CRISPLD2: variants seen among roughly 807,000 people sequenced by gnomAD.
The protein encoded by CRISPLD2 is cysteine rich secretory protein LCCL domain containing 2, also known as cysteine-rich secretory protein LCCL domain-containing 2.
CRISPLD2 carries 47 observed loss-of-function variants against 71.1 expected under a neutral mutation model. That is an observed-to-expected ratio of 0.66 (90% confidence interval 0.52 to 0.84). The LOEUF (loss-of-function observed/expected upper bound fraction) is 0.84, where lower values mean the gene tolerates loss of function less well. Ranked by LOEUF, CRISPLD2 falls within the 40% of genes least tolerant of loss-of-function variation. The probability of loss-of-function intolerance (pLI) is 0.00; values close to 1 mark genes in which losing one functional copy is unlikely to be tolerated. For synonymous variants in CRISPLD2, 317 were observed against 250.1 expected, an observed-to-expected ratio of 1.27 and a Z score of -2.52; for missense variants, 830 against 651.1, an observed-to-expected ratio of 1.27 and a Z score of -2.99.
In CRISPLD2 at chr16:84,827,160, C is replaced by T. The variant is rs190978654; in HGVS notation, c.-75+7027C>T. On this transcript the variant is annotated intron_variant, in intron 1 of 14. Transcript: ENST00000262424. ...CCGCACCCCCCAAGGTAGTCATTTC[C>T]GGACTTCTAAGGGCACAGGCTGGGT... Among the ~76,000 whole-genome samples the T allele has an allele frequency of 4.6e-5, 7 of 151,184 alleles. No individual in the cohort carries two copies. The East Asian group carries it at 9.8e-4, about 21-fold the overall frequency.
intron 2 of CRISPLD2, among the ~76,000 whole-genome samples, chr16:84,841,338 C>A (rs936306388): frequency 2.0e-5 from 3 of 152,018 alleles, no homozygotes; most frequent in Admixed American, 6.6e-5. Context: ...GAGTCTCTTT[C>A]CTTAACGGGA....
chr16:84,881,775 C>T (rs919181206), intron 13 of CRISPLD2, among the ~76,000 whole-genome samples: 15 of 152,236 alleles, frequency 9.9e-5, no homozygotes, highest in Admixed American at 9.8e-4. Flanking sequence ...TGCACCCGGC[C>T]TCCAGATAGA....
At chr16:84,845,059 G>C (rs562134055) in intron 2 of CRISPLD2, among the ~76,000 whole-genome samples, 1 of 152,200 alleles carries the variant, frequency 6.6e-6, no homozygotes, top group African/African-American at 2.4e-5. Flanking sequence ...AATAGCATCT[G>C]ATTATTACCT....
chr16:84,888,503 A>G lies in CRISPLD2; in HGVS notation c.1306-727A>G, dbSNP rs142263578. ...AGAAACTGAACTCCTTGATGATGTC[A>G]GAAACCAGCACATCCTGCCTCTGCG... is the stretch of plus-strand genomic sequence containing the variant. On this transcript the variant is annotated intron_variant, in intron 13 of 14. Transcript: ENST00000262424. Among the ~76,000 whole-genome samples the G allele has an allele frequency of 1.7e-3, 256 of 152,364 alleles. 1 individual carries two copies. The highest frequency in any genetic ancestry group is 3.7e-3 in the South Asian group (18 of 4,832).
intron 6 of CRISPLD2, among the ~76,000 whole-genome samples, chr16:84,863,492 C>G (rs114298093): frequency 0.01 from 1,588 of 152,280 alleles, 21 homozygotes; most frequent in African/African-American, 0.036. Context: ...ATTCTCCCCT[C>G]TCACCCCCAC....
Position 84,866,904 on chromosome 16 carries a change from C to T in CRISPLD2, c.717C>T (p.Thr239=), listed in dbSNP as rs763164380. ...TCCCTCTCCAATGTTAAGAAGAAAC[C>T]TACACTCCAAAACCTGAAACGGACG... ...CRNNLCYREE[T]YTPKPETDEM... The change falls in exon 7 of 15, where the codon ACC becomes ACT. Residue 239 remains threonine, a synonymous_variant. Coordinates refer to ENST00000262424, the MANE Select transcript of CRISPLD2 (RefSeq NM_031476.4). 1 of 1,613,778 alleles carries T rather than the reference C, an allele frequency of 6.2e-7. No homozygotes were observed. The highest frequency in any genetic ancestry group is 8.5e-7 in the Non-Finnish European group (1 of 1,179,906).
intron 6 of CRISPLD2, among the ~76,000 whole-genome samples, chr16:84,858,317 T>C (rs548232871): frequency 4.4e-4 from 67 of 152,274 alleles, no homozygotes; most frequent in African/African-American, 1.4e-3. Flanking sequence ...GCTTGATAAA[T>C]GAGCCAGAGT....
intron 11 of CRISPLD2, 46 bp downstream of exon 11, chr16:84,874,009 C>T (rs1466162850): frequency 5.3e-6 from 8 of 1,520,258 alleles, no homozygotes; most frequent in Non-Finnish European, 7.1e-6. Context: ...TGGGTTATCT[C>T]AGATTTTCCT....
At chr16:84,842,195 G>A (rs2143186422) in intron 2 of CRISPLD2, 1 of 152,402 alleles carries the variant, frequency 6.6e-6, no homozygotes, top group East Asian at 1.9e-4. Flanking sequence ...GCAGAGCAGA[G>A]GCTGGAAAAC....
intron 11 of CRISPLD2, among the ~76,000 whole-genome samples, chr16:84,874,680 T>C (rs553098415): frequency 3.3e-5 from 5 of 152,322 alleles, no homozygotes; most frequent in Non-Finnish European, 7.3e-5. Context: ...GTTAGATATC[T>C]TTATTAAAAT....
chr16:84,840,260 G>C (rs1334356803), intron 2 of CRISPLD2, among the ~76,000 whole-genome samples: 1 of 152,206 alleles, frequency 6.6e-6, no homozygotes, highest in African/African-American at 2.4e-5. Flanking sequence ...CGTGGCATGA[G>C]GGTTGAGTGG....
intron 5 of CRISPLD2, among the ~76,000 whole-genome samples, chr16:84,852,417 G>A (rs1487075777): frequency 6.6e-6 from 1 of 152,212 alleles, no homozygotes; most frequent in African/African-American, 2.4e-5. Context: ...TCTGGTGTGG[G>A]ACCTCATATG....
In CRISPLD2 at chr16:84,845,912, C is replaced by G. The variant is rs1255371028; in HGVS notation, c.359+8C>G. ...GGGCGCTCACTGGGGCAGGTAAGAG[C>G]CACAAGTTCCTCTCCGGCTGCCGCA... On this transcript the variant is annotated splice_region_variant and intron_variant, in intron 3 of 14. Coordinates refer to ENST00000262424, the MANE Select transcript of CRISPLD2 (RefSeq NM_031476.4). The G allele has an allele frequency of 1.9e-6, 3 of 1,573,192 alleles. No homozygotes were observed. The highest frequency in any genetic ancestry group is 3.4e-5 in the Admixed American group (2 of 59,560).
At chr16:84,887,606 G>A (rs1365820350) in intron 13 of CRISPLD2, among the ~76,000 whole-genome samples, 1 of 152,264 alleles carries the variant, frequency 6.6e-6, no homozygotes, top group African/African-American at 2.4e-5. Context: ...GCCGGGCGCG[G>A]CGGCTCACGC....
intron 6 of CRISPLD2, among the ~76,000 whole-genome samples, chr16:84,864,362 G>C (rs1917478415): frequency 6.6e-6 from 1 of 152,200 alleles, no homozygotes; most frequent in Admixed American, 6.5e-5. Flanking sequence ...AAATGCTTTA[G>C]ACCGCTTTAC....
chr16:84,830,549 A>G (rs571676657), intron 1 of CRISPLD2, among the ~76,000 whole-genome samples: 1 of 152,116 alleles, frequency 6.6e-6, no homozygotes, highest in Non-Finnish European at 1.5e-5. Context: ...CTAAAAATAC[A>G]AAAATTAGCC....
rs560960109 is a variant in CRISPLD2, at chr16:84,905,217, C to T, written c.1440-1371C>T. On this transcript the variant is annotated intron_variant, in intron 14 of 14. Coordinates refer to ENST00000262424, the MANE Select transcript of CRISPLD2 (RefSeq NM_031476.4). Reference sequence around the variant, plus strand: ...AGGAGGTCAAGGCTGAAGTAAGCCACGATCATGCCACTGCACTCTGGCCTT... The same window carrying T: ...AGGAGGTCAAGGCTGAAGTAAGCCATGATCATGCCACTGCACTCTGGCCTT... 3.9e-5 allele frequency among the ~76,000 whole-genome samples: 6 copies of T among 152,242 alleles called. No individual in the cohort carries two copies. In the South Asian group the frequency reaches 8.3e-4, roughly 21 times the overall value.
At position 84,838,774 on chromosome 16, in the gene CRISPLD2, G is replaced by A. The variant is rs199829635; in HGVS notation, c.240+39G>A. The A allele has an allele frequency of 1.4e-5, 22 of 1,582,764 alleles. 1 individual carries two copies. The highest frequency in any genetic ancestry group is 3.5e-4 in the Middle Eastern group (2 of 5,684). ...CCGGCCGCAGAGGCTGGCACCGGGG[G>A]TGGGGCCTGGGCCACCAGCCTGCTC... On this transcript the variant is annotated intron_variant, in intron 2 of 14. Transcript: ENST00000262424.
intron 7 of CRISPLD2, among the ~76,000 whole-genome samples, chr16:84,868,232 G>A (rs533065535): frequency 1.3e-5 from 2 of 152,208 alleles, no homozygotes; most frequent in Non-Finnish European, 2.9e-5. Context: ...GGAAACCTGC[G>A]GAGGCCCTTG....
Sources: allele counts gnomAD v4.1 joint callset (sites outside exome capture counted in the v4.1 genomes callset), GRCh38; gene constraint gnomAD v4.1.1; transcripts MANE v1.5; gene names NCBI Gene and HGNC (gene_info 2026-07-23, HGNC 2026-07-21).